PHLDB2: variants seen among roughly 807,000 people sequenced by gnomAD.
PHLDB2 encodes pleckstrin homology-like domain family B member 2.
PHLDB2 carries 71 observed loss-of-function variants against 123.6 expected under a neutral mutation model. The ratio of observed to expected loss-of-function variants is 0.57; its 90% confidence interval spans 0.47 to 0.70. The LOEUF (loss-of-function observed/expected upper bound fraction) is 0.70, where lower values mean the gene tolerates loss of function less well. Ranked by LOEUF, PHLDB2 falls within the 30% of genes least tolerant of loss-of-function variation. The pLI is 0.00. For missense variants in PHLDB2, 1,446 were observed against 1,519.5 expected, an observed-to-expected ratio of 0.95 and a Z score of 0.80; for synonymous variants, 547 against 541.6, an observed-to-expected ratio of 1.01 and a Z score of -0.14.
intron 1 of PHLDB2, among the ~76,000 whole-genome samples, chr3:111,837,815 G>A (rs945124828): frequency 6.6e-6 from 1 of 152,192 alleles, no homozygotes; most frequent in Non-Finnish European, 1.5e-5. Context: ...GGCCAAGGCA[G>A]GAGGATAACT....
At chr3:111,880,682 T>G (rs1224773457) in intron 1 of PHLDB2, among the ~76,000 whole-genome samples, 1 of 2,580 alleles carries the variant, frequency 3.9e-4, no homozygotes, top group African/African-American at 8.5e-3. Flanking sequence ...TTTGTGGCAT[T>G]TTTTTTTTTT....
Position 111,827,685 on chromosome 3 carries a change from C to CAA in PHLDB2, c.-48-18112_-48-18111dup, listed in dbSNP as rs565813163. Among the ~76,000 whole-genome samples, 287 of 72,614 alleles carry CAA rather than the reference C, an allele frequency of 4.0e-3. 1 individual carries two copies. The highest frequency in any genetic ancestry group is 6.0e-3 in the African/African-American group (145 of 24,164). The allele number at this position is 72,614 out of a possible 152,430, so 47.6% of individuals were successfully genotyped here. A position where few individuals can be genotyped will look rare whatever the true frequency, so the allele number is the denominator to read the frequency against. On this transcript the variant is annotated intron_variant, in intron 1 of 17. Coordinates refer to the PHLDB2 transcript ENST00000393923. ...GACAGAGCGAGACGAGAATCCGTCT[C>CAA]AAAAAAAAAAAAAAAAAAAAAAAAA...
chr3:111,937,530 G>T (rs763484402), intron 6 of PHLDB2, among the ~76,000 whole-genome samples: 6 of 152,044 alleles, frequency 3.9e-5, no homozygotes, highest in Non-Finnish European at 8.8e-5. Flanking sequence ...CAGGTGAGTG[G>T]ATCCATGTGA....
At chr3:111,968,795 G>A (rs1388629) in intron 15 of PHLDB2, among the ~76,000 whole-genome samples, 1 of 152,106 alleles carries the variant, frequency 6.6e-6, no homozygotes, top group South Asian at 2.1e-4. Flanking sequence ...CATGCCCAAC[G>A]CTCTGCCAAA....
At chr3:111,969,573 A>T in intron 15 of PHLDB2, 117 bp from the exon 16 acceptor site, 1 of 755,484 alleles carries the variant, frequency 1.3e-6, no homozygotes, top group Non-Finnish European at 2.1e-6. Context: ...AAGCTCTTTT[A>T]ATCATATAGG....
At chr3:111,889,832 CTTCTCTGTTTAATTTA>C (rs2066377530) in intron 2 of PHLDB2, among the ~76,000 whole-genome samples, 1 of 152,070 alleles carries the variant, frequency 6.6e-6, no homozygotes, top group African/African-American at 2.4e-5. Flanking sequence ...AACAGTAGGC[CTTCTCTGTTTAATTTA>C]TTATTATCCT....
intron 1 of PHLDB2, among the ~76,000 whole-genome samples, chr3:111,758,263 C>G (rs569129738): frequency 6.6e-5 from 10 of 152,200 alleles, no homozygotes; most frequent in Non-Finnish European, 1.3e-4. Context: ...CCACCCAGTT[C>G]GAGCTTCCCG....
chr3:111,840,760 T>C (rs2063651475), intron 1 of PHLDB2, among the ~76,000 whole-genome samples: 1 of 152,196 alleles, frequency 6.6e-6, no homozygotes, highest in Admixed American at 6.5e-5. Context: ...ACTCAAAAGA[T>C]TGTGTGAGAA....
chr3:111,857,936 C>T (rs573181803), upstream of PHLDB2, among the ~76,000 whole-genome samples: 1 of 152,272 alleles, frequency 6.6e-6, no homozygotes, highest in East Asian at 1.9e-4. Flanking sequence ...CCATTTGACC[C>T]AGCAATCCCA....
At chr3:111,953,277 C>A (rs2107638904) in intron 11 of PHLDB2, among the ~76,000 whole-genome samples, 1 of 152,232 alleles carries the variant, frequency 6.6e-6, no homozygotes, top group Admixed American at 6.5e-5. Flanking sequence ...CCAAGCTCTC[C>A]CTCAGGTTCT....
At chr3:111,779,995 CA>C (rs1276728911) in intron 1 of PHLDB2, 2 of 429,314 alleles carry the variant, frequency 4.7e-6, no homozygotes, top group Non-Finnish European at 6.2e-6. Context: ...TGTCTATTCA[CA>C]AAATGTGAGC....
Position 111,884,528 on chromosome 3 carries a change from T to C in PHLDB2, c.451T>C (p.Tyr151His). The part of the protein sequence containing the change: ...RLSEKPPYSK[Y>H]SSRHKSHDNV... ...CTCAGAGAAGCCTCCCTATTCCAAA[T>C]ATAGCTCAAGGCATAAATCGCATGA... The change falls in exon 2 of 18, where the codon TAT (tyrosine) becomes CAT (histidine). Residue 151 changes from tyrosine (Y) to histidine (H), a missense_variant. Tyr to His is a moderately conservative substitution (Grantham distance 83, BLOSUM62 2). Around this residue, in one of 3 missense-constraint regions of PHLDB2, gnomAD observed 832 missense variants for 831.9 expected, o/e 1.00. Coordinates refer to ENST00000431670, the MANE Select transcript of PHLDB2 (RefSeq NM_001134438.2). 6.2e-7 allele frequency: 1 copy of C among 1,614,098 alleles called. No homozygotes were observed. Among genetic ancestry groups the C allele is most frequent in the Non-Finnish European group, 8.5e-7 (1 of 1,180,034 alleles).
intron 6 of PHLDB2, among the ~76,000 whole-genome samples, chr3:111,938,163 G>A (rs531383024): frequency 1.3e-5 from 2 of 152,138 alleles, no homozygotes; most frequent in Admixed American, 1.3e-4. Flanking sequence ...TAGAACCCTG[G>A]CTTTAAAACC....
intron 1 of PHLDB2, among the ~76,000 whole-genome samples, chr3:111,842,195 T>A (rs2063725449): frequency 6.6e-6 from 1 of 152,228 alleles, no homozygotes; most frequent in Admixed American, 6.5e-5. Context: ...TATTATCTGG[T>A]CTTTAGCAGT....
intron 1 of PHLDB2, among the ~76,000 whole-genome samples, chr3:111,760,488 G>A (rs1156957139): frequency 6.6e-6 from 1 of 152,168 alleles, no homozygotes; most frequent in Non-Finnish European, 1.5e-5. Context: ...AGGAAAAGCA[G>A]CATTTCAGAT....
rs760147808 is a variant in PHLDB2, at chr3:111,967,703, G to A, written c.3194G>A (p.Arg1065Gln). 1.1e-5 allele frequency: 18 copies of A among 1,608,172 alleles called. No individual in the cohort carries two copies. Among genetic ancestry groups the A allele is most frequent in the Non-Finnish European group, 1.4e-5 (17 of 1,178,112 alleles). The part of the protein sequence containing the change: ...SREREMEAKK[R>Q]ALEEEKRRRE... ...GAACGGGAAATGGAAGCCAAAAAAC[G>A]AGCCCTGGAAGAAGAAAAACGACGC... Residue 1065 changes from arginine (R) to glutamine (Q), a missense_variant, in exon 15 of 18, where the codon CGA (arginine) becomes CAA (glutamine). Coordinates refer to ENST00000431670, the MANE Select transcript of PHLDB2 (RefSeq NM_001134438.2).
rs189629995 is a variant in PHLDB2 at position 111,836,587 on chromosome 3, C to T, written c.-48-9234C>T. On this transcript the variant is annotated intron_variant, in intron 1 of 17. Transcript: ENST00000393923. ...TTTGAATAAGATTACCAAAGAATCT[C>T]GTATTAGTCCATTTTCACATGCTAT... 2.0e-3 allele frequency among the ~76,000 whole-genome samples: 303 copies of T among 152,118 alleles called. 3 individuals are homozygous for T. The highest frequency in any genetic ancestry group is 6.6e-3 in the African/African-American group (275 of 41,486).
intron 2 of PHLDB2, among the ~76,000 whole-genome samples, chr3:111,892,856 T>G (rs1453509886): frequency 6.6e-6 from 1 of 152,202 alleles, no homozygotes; most frequent in African/African-American, 2.4e-5. Context: ...TGTTTAAGGA[T>G]TTTTGGTATT....
At chr3:111,827,703 AAAAAAAAG>A (rs1302630005) in intron 1 of PHLDB2, among the ~76,000 whole-genome samples, 3 of 148,320 alleles carry the variant, frequency 2.0e-5, no homozygotes, top group African/African-American at 7.6e-5. Flanking sequence ...AAAAAAAAAA[AAAAAAAAG>A]GAAAGACCAA....
Sources: gnomAD v4.1 joint callset for allele counts (sites outside exome capture counted in the v4.1 genomes callset) on GRCh38, gnomAD v4.1.1 for gene constraint, gnomAD v4.1.1 regional missense constraint, MANE v1.5 for transcripts, NCBI Gene and HGNC (gene_info 2026-07-23, HGNC 2026-07-21) for gene names.